ST18: variants seen among roughly 807,000 people sequenced by gnomAD.
ST18 encodes suppression of tumorigenicity 18 protein.
Under a neutral mutation model 110.0 loss-of-function variants are expected in ST18, and 50 were observed. The ratio of observed to expected loss-of-function variants is 0.45; its 90% CI spans 0.36 to 0.58. ST18 has a LOEUF of 0.58. Among genes scored for constraint, ST18 ranks in the 20% least tolerant of loss-of-function variants. The pLI, the probability that ST18 is intolerant of heterozygous loss-of-function variation, is 0.00. For synonymous variants in ST18, 461 were observed against 452.4 expected (o/e 1.02, Z -0.24); for missense variants, 1,306 against 1,280.1 (o/e 1.02, Z -0.31).
intron 10 of ST18, among the ~76,000 whole-genome samples, chr8:52,170,330 C>T (rs1206816123): frequency 2.6e-5 from 4 of 152,092 alleles, no homozygotes; most frequent in African/African-American, 9.7e-5. Flanking sequence ...GTGGTGAGCA[C>T]CTGTAATCCT....
At chr8:52,344,920 A>C (rs753145677) in intron 2 of ST18, among the ~76,000 whole-genome samples, 2 of 152,106 alleles carry the variant, frequency 1.3e-5, no homozygotes, top group Admixed American at 6.5e-5. Flanking sequence ...TATTATTGTT[A>C]TTATTATTAT....
chr8:52,265,244 G>A (rs946187550), intron 2 of ST18, among the ~76,000 whole-genome samples: 4 of 152,208 alleles, frequency 2.6e-5, no homozygotes, highest in African/African-American at 4.8e-5. Context: ...AATAGGAAGA[G>A]CCTCCAGTGC....
At chr8:52,247,757 G>A (rs1224569315) in intron 2 of ST18, among the ~76,000 whole-genome samples, 1 of 152,110 alleles carries the variant, frequency 6.6e-6, no homozygotes, top group Non-Finnish European at 1.5e-5. Flanking sequence ...ATTTTTAGAT[G>A]GCTTGCTTTT....
chr8:52,342,041 T>TATTAC (rs1815290530), intron 2 of ST18, among the ~76,000 whole-genome samples: 1 of 152,228 alleles, frequency 6.6e-6, no homozygotes, highest in East Asian at 1.9e-4. Flanking sequence ...GTAACTGCAG[T>TATTAC]TAATAACAGT....
At chr8:52,218,711 T>G (rs1446246784) in intron 5 of ST18, among the ~76,000 whole-genome samples, 1 of 152,050 alleles carries the variant, frequency 6.6e-6, no homozygotes. Context: ...CCGCTCTTAA[T>G]TTGAGAAGTC....
intron 2 of ST18, chr8:52,407,587 A>C (rs1258669609): frequency 6.6e-6 from 1 of 152,224 alleles, no homozygotes; most frequent in East Asian, 1.9e-4. Flanking sequence ...CTGACAGGGA[A>C]GTAAAATTTT....
intron 5 of ST18, chr8:52,220,454 C>A (rs1342867408): frequency 1.3e-5 from 2 of 152,216 alleles, no homozygotes; most frequent in South Asian, 4.2e-4. Context: ...ACCATTTTAA[C>A]AATCAAACTT....
intron 2 of ST18, among the ~76,000 whole-genome samples, chr8:52,251,612 A>T (rs917002362): frequency 5.3e-5 from 8 of 151,862 alleles, no homozygotes; most frequent in African/African-American, 1.7e-4. Flanking sequence ...AGGAAAGACA[A>T]TGCAGCTCAT....
At position 52,130,606 on chromosome 8, in the gene ST18, G is replaced by A. The variant is rs143949011; in HGVS notation, c.2666+1352C>T. 9.5e-4 allele frequency among the ~76,000 whole-genome samples: 144 copies of A among 152,344 alleles called. 1 individual carries two copies. Among genetic ancestry groups the A allele is most frequent in the African/African-American group, 3.0e-3 (126 of 41,582 alleles). Reference sequence around the variant, plus strand: ...GGCATAAGTCTGAGTGTGTGCTGGGGCAAGTGCATTTGTTGTTTTCAAATT... The same window carrying A: ...GGCATAAGTCTGAGTGTGTGCTGGGACAAGTGCATTTGTTGTTTTCAAATT... On this transcript the variant is annotated intron_variant, in intron 22 of 25. Coordinates refer to ENST00000689386, the MANE Select transcript of ST18 (RefSeq NM_001352837.2).
chr8:52,165,650 G>T (rs377235075), intron 11 of ST18, among the ~76,000 whole-genome samples: 1 of 152,036 alleles, frequency 6.6e-6, no homozygotes, highest in African/African-American at 2.4e-5. Context: ...TTGATTCTTT[G>T]TCCATCCACC....
chr8:52,256,465 C>A (rs186670126), intron 2 of ST18, among the ~76,000 whole-genome samples: 5 of 152,070 alleles, frequency 3.3e-5, no homozygotes, highest in Admixed American at 2.0e-4. Context: ...TGGACTCAAG[C>A]GATCCTCCTG....
At chr8:52,124,751 T>C (rs545491494) in intron 23 of ST18, among the ~76,000 whole-genome samples, 1 of 152,000 alleles carries the variant, frequency 6.6e-6, no homozygotes, top group Non-Finnish European at 1.5e-5. Context: ...CCTCTGCATG[T>C]ACACTCCCCT....
chr8:52,283,008 C>T lies in ST18; in HGVS notation c.-464-52931G>A, dbSNP rs117322797. 9.1e-3 allele frequency among the ~76,000 whole-genome samples: 1,389 copies of T among 152,214 alleles called. 21 individuals are homozygous for T. The highest frequency in any genetic ancestry group is 0.027 in the Middle Eastern group (8 of 294). ...AAAACAAGAGTGGAAGCAGGAAGAC[C>T]AGGTAAGGGGCTACAGTCCAGCCTA... On this transcript the variant is annotated intron_variant, in intron 2 of 25. Transcript: ENST00000689386.
chr8:52,183,263 T>C (rs1219836497), intron 8 of ST18, among the ~76,000 whole-genome samples: 1 of 152,150 alleles, frequency 6.6e-6, no homozygotes, highest in Non-Finnish European at 1.5e-5. Context: ...ACAACAGTCA[T>C]TCAGCCTGAA....
intron 2 of ST18, among the ~76,000 whole-genome samples, chr8:52,383,693 C>T (rs1961990): frequency 0.015 from 2,315 of 152,176 alleles, 59 homozygotes; most frequent in African/African-American, 0.053. Context: ...GTGATCCACC[C>T]GCCTTGGCTT....
chr8:52,224,668 A>G (rs2088525521), intron 3 of ST18, among the ~76,000 whole-genome samples: 1 of 152,214 alleles, frequency 6.6e-6, no homozygotes, highest in East Asian at 1.9e-4. Flanking sequence ...GCTTACTTTT[A>G]GGGAAGATGT....
intron 2 of ST18, among the ~76,000 whole-genome samples, chr8:52,316,351 G>A (rs911187000): frequency 6.6e-6 from 1 of 152,170 alleles, no homozygotes; most frequent in Admixed American, 6.5e-5. Flanking sequence ...CCCAGCACCT[G>A]TGCTGGTAGG....
chr8:52,356,066 C>T (rs1822609120), intron 2 of ST18, among the ~76,000 whole-genome samples: 1 of 152,064 alleles, frequency 6.6e-6, no homozygotes, highest in African/African-American at 2.4e-5. Context: ...TTAAAAAGTT[C>T]CCATGTACAC....
Position 52,293,518 on chromosome 8 carries a change from C to T in ST18, c.-464-63441G>A, listed in dbSNP as rs539565103. Among the ~76,000 whole-genome samples the T allele has an allele frequency of 6.4e-4, 97 of 152,276 alleles. 1 individual carries two copies. In the South Asian group the frequency reaches 0.019, roughly 29 times the overall value. The stretch of plus-strand genomic sequence containing the variant: ...TAAAAGTGAAAGGAAAATGCTTTGC[C>T]CCAGTGTTTCTGTCCCTCGGGTCAG... On this transcript the variant is annotated intron_variant, in intron 2 of 25. Transcript: ENST00000689386.
Sources: gnomAD v4.1 joint callset for allele counts (sites outside exome capture counted in the v4.1 genomes callset) on GRCh38, gnomAD v4.1.1 for gene constraint, MANE v1.5 for transcripts, NCBI Gene and HGNC (gene_info 2026-07-23, HGNC 2026-07-21) for gene names.